Variants in TMEM201 observed in about 807,000 individuals in gnomAD.
The protein encoded by TMEM201 is transmembrane protein 201.
TMEM201 carries 26 observed loss-of-function variants against 63.4 expected under a neutral mutation model. That is an observed-to-expected ratio of 0.41 (90% CI 0.30 to 0.57). TMEM201 has a LOEUF of 0.57. TMEM201 is among the 20% of genes least tolerant of loss of function. The probability of loss-of-function intolerance (pLI) is 0.29; values close to 1 mark genes in which losing one functional copy is unlikely to be tolerated. For missense variants in TMEM201, 794 were observed against 917.7 expected, an observed-to-expected ratio of 0.87 and a Z score of 1.74; for synonymous variants, 417 against 421.6, an observed-to-expected ratio of 0.99 and a Z score of 0.14.
Position 9,598,508 on chromosome 1 carries a change from G to T in TMEM201, c.489G>T (p.Leu163=). 6.2e-7 allele frequency: 1 copy of T among 1,614,006 alleles called. No individual in the cohort carries two copies. The highest frequency in any genetic ancestry group is 8.5e-7 in the Non-Finnish European group (1 of 1,180,034). The change falls in exon 4 of 11, where the codon CTG becomes CTT. Residue 163 remains leucine (L), a synonymous_variant. Coordinates refer to ENST00000340381, the MANE Select transcript of TMEM201 (RefSeq NM_001130924.3). ...YRHHLEQMYK[L]CRPCQAAVEY... ...ATCACCTGGAGCAGATGTACAAGCT[G>T]TGCCGGCCGTGCCAAGCGGCTGTGG...
Position 9,609,895 on chromosome 1 carries a change from G to T in TMEM201, c.1449G>T (p.Gly483=), listed in dbSNP as rs1644297916. ...SRPPSQVSRS[G]EFPVSDYFSL... is the part of the protein sequence containing the mutation. ...CACCATCTCAGGTGTCTCGATCTGG[G>T]GAGTTTCCTGTTTCAGGTGAGGAAG... Residue 483 remains glycine, a synonymous_variant, in exon 8 of 11, where the codon GGG becomes GGT. Coordinates refer to ENST00000340381, the MANE Select transcript of TMEM201 (RefSeq NM_001130924.3). 6.4e-7 allele frequency: 1 copy of T among 1,551,360 alleles called. No individual in the cohort carries two copies. Among genetic ancestry groups the T allele is most frequent in the African/African-American group, 1.4e-5 (1 of 73,028 alleles).
intron 3 of TMEM201, 37 bp from the exon 4 acceptor site, chr1:9,598,412 C>T (rs920401124): frequency 1.9e-6 from 3 of 1,594,096 alleles, no homozygotes; most frequent in African/African-American, 2.7e-5. Context: ...GCTCATCCAC[C>T]CCTGCAGATG....
Position 9,613,036 on chromosome 1 carries a change from G to A in TMEM201, c.1954G>A (p.Ala652Thr), listed in dbSNP as rs759046502. The A allele has an allele frequency of 4.8e-5, 74 of 1,551,426 alleles. No homozygotes were observed. The highest frequency in any genetic ancestry group is 5.1e-5 in the Non-Finnish European group (58 of 1,146,996). Residue 652 changes from alanine (A) to threonine (T), a missense_variant, in exon 11 of 11, where the codon GCC becomes ACC. Physicochemically the swap from Ala to Thr is moderately conservative, Grantham distance 58. Transcript: ENST00000340381. ...VRGLLAVSLA[A>T]NALFTSVFLY... The stretch of plus-strand genomic sequence containing the variant: ...GGGCCTCCTGGCCGTGAGCTTGGCC[G>A]CCAACGCCCTGTTCACCTCGGTGTT...
chr1:9,596,073 T>C (rs1644014440), intron 2 of TMEM201, 63 bp downstream of exon 2: 1 of 1,581,782 alleles, frequency 6.3e-7, no homozygotes, highest in Non-Finnish European at 8.6e-7. Context: ...GATTTGCACC[T>C]TGAGACCACC....
chr1:9,604,070 G>C lies in TMEM201; in HGVS notation c.1160+1798G>C, dbSNP rs1644199268. The stretch of plus-strand genomic sequence containing the variant: ...CCCCCAGCCCACAAAGAGCCCATCT[G>C]AGAGAAGGACGTGGTGGAGCCAGGA... On this transcript the variant is annotated intron_variant, in intron 6 of 10. Coordinates refer to ENST00000340381, the MANE Select transcript of TMEM201 (RefSeq NM_001130924.3). The surrounding 1 kb of genome is among the most constrained non-coding windows in gnomAD (Gnocchi z 4.1). The C allele has an allele frequency of 1.0e-6, 1 of 985,456 alleles. No individual in the cohort carries two copies. The highest frequency in any genetic ancestry group is 1.2e-6 in the Non-Finnish European group (1 of 829,954). The allele number at this position is 985,456 out of a possible 1,614,324, so 61.0% of individuals were successfully genotyped here. A position where few individuals can be genotyped will look rare whatever the true frequency, so the allele number is the denominator to read the frequency against.
At chr1:9,609,956 C>G in intron 8 of TMEM201, 45 bp downstream of exon 8, 1 of 1,530,222 alleles carries the variant, frequency 6.5e-7, no homozygotes, top group Non-Finnish European at 8.9e-7. Flanking sequence ...CAACATGAAG[C>G]CCGGGCGTTC....
chr1:9,601,703 T>C (rs554147663), intron 5 of TMEM201, among the ~76,000 whole-genome samples: 1 of 152,264 alleles, frequency 6.6e-6, no homozygotes, highest in African/African-American at 2.4e-5. Context: ...CTCCTCGGGC[T>C]CTGTCAAATC....
At chr1:9,602,914 C>G in intron 6 of TMEM201, 1 of 985,652 alleles carries the variant, frequency 1.0e-6, no homozygotes, top group Non-Finnish European at 1.2e-6. Flanking sequence ...TGCTTGGCCT[C>G]CTGCTCCAAG....
rs770386437 is a variant in TMEM201, at chr1:9,610,510, C to T, written c.1470C>T (p.Tyr490=). 2 of 1,526,948 alleles carry T rather than the reference C, an allele frequency of 1.3e-6. No individual in the cohort carries two copies. Among genetic ancestry groups the T allele is most frequent in the South Asian group, 2.4e-5 (2 of 82,936 alleles). 94.6% of individuals were successfully genotyped at this position (1,526,948 alleles called of 1,614,324 possible). ...CATCTTCCTCCCTCCCTCCAGATTA[C>T]TTCTCTCTTCTGTCGGGGAGCTGCC... is the stretch of plus-strand genomic sequence containing the variant. The part of the protein sequence containing the change: ...SRSGEFPVSD[Y]FSLLSGSCPS... The change falls in exon 9 of 11, where the codon TAC becomes TAT. Residue 490 remains tyrosine (Y), a synonymous_variant. Coordinates refer to ENST00000340381, the MANE Select transcript of TMEM201 (RefSeq NM_001130924.3). This position sits in a 1 kb window ranked among gnomAD's most constrained non-coding sequence, Gnocchi z 4.9.
At position 9,604,521 on chromosome 1, in the gene TMEM201, G is replaced by C. The variant is rs1267171935; in HGVS notation, c.1160+2249G>C. On this transcript the variant is annotated intron_variant, in intron 6 of 10. Coordinates refer to ENST00000340381, the MANE Select transcript of TMEM201 (RefSeq NM_001130924.3). The surrounding 1 kb of genome is among the most constrained non-coding windows in gnomAD (Gnocchi z 4.1). ...CACTGTGTTGTGGCTTGTTGACCGGGAATGTGTCACCCCTGCCAGGGAACT... is the reference window on the plus strand; with the variant it reads ...CACTGTGTTGTGGCTTGTTGACCGGCAATGTGTCACCCCTGCCAGGGAACT... 1.0e-6 allele frequency: 1 copy of C among 985,348 alleles called. No individual in the cohort carries two copies. Among genetic ancestry groups the C allele is most frequent in the Non-Finnish European group, 1.2e-6 (1 of 829,960 alleles). 61.0% of individuals were successfully genotyped at this position (985,348 alleles called of 1,614,324 possible). A position where few individuals can be genotyped will look rare whatever the true frequency, so the allele number is the denominator to read the frequency against.
intron 8 of TMEM201, 73 bp downstream of exon 8, chr1:9,609,984 TG>T: frequency 6.9e-7 from 1 of 1,456,598 alleles, no homozygotes; most frequent in Non-Finnish European, 9.4e-7. Context: ...TGGTGGTTTG[TG>T]TGAGCTTTGG....
chr1:9,601,928 G>C, intron 5 of TMEM201, 141 bp from the exon 6 acceptor site: 2 of 992,714 alleles, frequency 2.0e-6, no homozygotes, highest in Non-Finnish European at 2.9e-6. Flanking sequence ...GTGTGAGTGT[G>C]AGGGGATTCC....
In TMEM201 at chr1:9,608,069, C is replaced by G. The variant is rs1466921756; in HGVS notation, c.1393+280C>G. 6.6e-6 allele frequency among the ~76,000 whole-genome samples: 1 copy of G among 152,112 alleles called. No individual in the cohort carries two copies. The highest frequency in any genetic ancestry group is 1.9e-4 in the East Asian group (1 of 5,196). ...CCTGGGCAACATAGGGAGACGCTGT[C>G]TCTACAAAAAAAGTTGTTTTAATTA... On this transcript the variant is annotated intron_variant, in intron 7 of 10. Coordinates refer to ENST00000340381, the MANE Select transcript of TMEM201 (RefSeq NM_001130924.3). This position sits in a 1 kb window ranked among gnomAD's most constrained non-coding sequence, Gnocchi z 4.3.
At position 9,589,033 on chromosome 1, in the gene TMEM201, A is replaced by C. The variant is rs562921900; in HGVS notation, c.103A>C (p.Ile35Leu). 143 of 1,139,226 alleles carry C rather than the reference A, an allele frequency of 1.3e-4. 1 individual carries two copies. In the South Asian group the frequency reaches 3.4e-3, roughly 27 times the overall value. 70.6% of individuals were successfully genotyped at this position (1,139,226 alleles called of 1,614,324 possible). A position where few individuals can be genotyped will look rare whatever the true frequency, so the allele number is the denominator to read the frequency against. ...CGCGGCCGGCGTGTTGCTCTACCGG[A>C]TCGCGCGGAGGTGAGTGCATGGTTC... is the stretch of plus-strand genomic sequence containing the variant. ...CAAAGVLLYR[I>L]ARRMKPTHTM... Residue 35 changes from isoleucine to leucine, a missense_variant, in exon 1 of 11, where the codon ATC becomes CTC. Coordinates refer to ENST00000340381, the MANE Select transcript of TMEM201 (RefSeq NM_001130924.3).
In TMEM201 at chr1:9,610,633, C is replaced by A; in HGVS notation, c.1593C>A (p.Ala531=). The A allele has an allele frequency of 6.4e-7, 1 of 1,550,724 alleles. No individual in the cohort carries two copies. Among genetic ancestry groups the A allele is most frequent in the Non-Finnish European group, 8.7e-7 (1 of 1,146,930 alleles). Residue 531 remains alanine, a synonymous_variant, in exon 9 of 11, where the codon GCC becomes GCA. Transcript: ENST00000340381. This position sits in a 1 kb window ranked among gnomAD's most constrained non-coding sequence, Gnocchi z 4.9. ...LRHRRPLISP[A]RLNLKGQKLL... ...ACCGCAGGCCCCTCATCAGCCCTGCCCGGCTCAACCTGAAGGGACAGAAGC... is the reference window on the plus strand; with the variant it reads ...ACCGCAGGCCCCTCATCAGCCCTGCACGGCTCAACCTGAAGGGACAGAAGC...
Position 9,603,450 on chromosome 1 carries a change from C to A in TMEM201, c.1160+1178C>A. 1.0e-6 allele frequency: 1 copy of A among 985,442 alleles called. No homozygotes were observed. The highest frequency in any genetic ancestry group is 1.7e-5 in the African/African-American group (1 of 57,346). The allele number at this position is 985,442 out of a possible 1,614,324, so 61.0% of individuals were successfully genotyped here. On this transcript the variant is annotated intron_variant, in intron 6 of 10. Transcript: ENST00000340381. This position sits in a 1 kb window ranked among gnomAD's most constrained non-coding sequence, Gnocchi z 4.5. ...GGTCCCAGTCGAGAGTGGCCCGAGG[C>A]CGTCCCTCACCGGGCATGTTCCCTC...
Position 9,604,697 on chromosome 1 carries a change from G to A in TMEM201, c.1160+2425G>A, listed in dbSNP as rs529418914. Reference sequence around the variant, plus strand: ...TTGAGGTCCCCACCCAGGCCAAGCCGGCCCCCCGTACCCCTTGCCTGGGAG... The same window carrying A: ...TTGAGGTCCCCACCCAGGCCAAGCCAGCCCCCCGTACCCCTTGCCTGGGAG... On this transcript the variant is annotated intron_variant, in intron 6 of 10. Coordinates refer to ENST00000340381, the MANE Select transcript of TMEM201 (RefSeq NM_001130924.3). The surrounding 1 kb of genome is among the most constrained non-coding windows in gnomAD (Gnocchi z 4.1). The A allele has an allele frequency of 1.2e-5, 12 of 985,884 alleles. No individual in the cohort carries two copies. The highest frequency in any genetic ancestry group is 1.1e-4 in the East Asian group (1 of 8,810). The allele number at this position is 985,884 out of a possible 1,614,324, so 61.1% of individuals were successfully genotyped here.
In TMEM201 at chr1:9,608,794, A is replaced by C. The variant is rs1330391154; in HGVS notation, c.1393+1005A>C. On this transcript the variant is annotated intron_variant, in intron 7 of 10. Transcript: ENST00000340381. The surrounding 1 kb of genome is among the most constrained non-coding windows in gnomAD (Gnocchi z 4.3). Reference sequence around the variant, plus strand: ...ACAGGCAATCTCCCTGTTAAGGCTCAAGGCAGGGACACAGTAGCGACCTGT... The same window carrying C: ...ACAGGCAATCTCCCTGTTAAGGCTCCAGGCAGGGACACAGTAGCGACCTGT... 2.6e-5 allele frequency among the ~76,000 whole-genome samples: 4 copies of C among 151,782 alleles called. No homozygotes were observed. In the East Asian group the frequency reaches 7.7e-4, roughly 29 times the overall value.
intron 7 of TMEM201, 55 bp from the exon 8 acceptor site, chr1:9,609,785 G>T: frequency 6.7e-7 from 1 of 1,494,722 alleles, no homozygotes. Context: ...ATTTGTGGGG[G>T]CCTCTGCACG....
Sources: gnomAD v4.1 joint callset for allele counts (sites outside exome capture counted in the v4.1 genomes callset) on GRCh38, gnomAD v4.1.1 for gene constraint, Gnocchi (gnomAD v3.1) non-coding constraint, MANE v1.5 for transcripts, NCBI Gene and HGNC (gene_info 2026-07-23, HGNC 2026-07-21) for gene names.